SLIT1: variants seen among roughly 807,000 people sequenced by gnomAD.
SLIT1 encodes the protein slit homolog 1 protein.
Under a neutral mutation model 186.1 loss-of-function variants are expected in SLIT1, and 66 were observed. That is an observed-to-expected ratio of 0.35 (90% CI 0.29 to 0.44). The LOEUF (loss-of-function observed/expected upper bound fraction) is 0.44. Ranked by LOEUF, SLIT1 falls within the 20% of genes least tolerant of loss-of-function variation. The pLI is 1.00. For missense variants in SLIT1, 1,638 were observed against 2,037.4 expected (o/e 0.80, Z 3.77); for synonymous variants, 761 against 833.8 (o/e 0.91, Z 1.50).
rs367780536 is a variant in SLIT1 at position 97,043,324 on chromosome 10, G to A, written c.1997+46C>T. ...AGTGGCTGGCCGAGACGGTTGGGAC[G>A]GTTGCTCCAGAGCCCCCGCCCGCCT... On this transcript the variant is annotated intron_variant, in intron 19 of 36. Coordinates refer to ENST00000266058, the MANE Select transcript of SLIT1 (RefSeq NM_003061.3). The surrounding 1 kb of genome is among the most constrained non-coding windows in gnomAD (Gnocchi z 7.0). 5.3e-5 allele frequency: 86 copies of A among 1,610,120 alleles called. No homozygotes were observed. The highest frequency in any genetic ancestry group is 7.0e-5 in the Non-Finnish European group (83 of 1,178,246).
In SLIT1 at chr10:97,046,636, C is replaced by A; in HGVS notation, c.1853+18G>T. On this transcript the variant is annotated intron_variant, in intron 18 of 36. Coordinates refer to ENST00000266058, the MANE Select transcript of SLIT1 (RefSeq NM_003061.3). The stretch of plus-strand genomic sequence containing the variant: ...TCCTGCAGCTGGCCCACCCTGCTCC[C>A]CAGCCCTGCACACTCACAGGGTCCT... 1 of 1,594,846 alleles carries A rather than the reference C, an allele frequency of 6.3e-7. No individual in the cohort carries two copies. The highest frequency in any genetic ancestry group is 1.1e-5 in the South Asian group (1 of 89,804).
At chr10:97,053,495 G>A (rs17112373) in intron 13 of SLIT1, among the ~76,000 whole-genome samples, 16,025 of 152,136 alleles carry the variant, frequency 0.11, 921 homozygotes, top group African/African-American at 0.16. Flanking sequence ...CAGGGGTCAC[G>A]AGCTGTACCT....
chr10:97,018,949 G>C, intron 27 of SLIT1, 34 bp downstream of exon 27: 1 of 1,360,304 alleles, frequency 7.4e-7, no homozygotes. Context: ...TACACGAAGA[G>C]CCCTCCTCCT....
chr10:97,013,491 A>G (rs1174997158), intron 30 of SLIT1, among the ~76,000 whole-genome samples: 1 of 152,180 alleles, frequency 6.6e-6, no homozygotes, highest in Non-Finnish European at 1.5e-5. Flanking sequence ...TACAGATGAG[A>G]AAACAAGCTC....
chr10:97,176,420 C>T (rs1280923167), intron 1 of SLIT1, among the ~76,000 whole-genome samples: 1 of 152,096 alleles, frequency 6.6e-6, no homozygotes, highest in Non-Finnish European at 1.5e-5. Flanking sequence ...TCCCCAAGAC[C>T]CCTGGCTCCC....
At chr10:97,056,602 C>G (rs1848838813) in intron 12 of SLIT1, 138 bp from the exon 13 acceptor site, 3 of 875,822 alleles carry the variant, frequency 3.4e-6, no homozygotes, top group Non-Finnish European at 5.3e-6. Context: ...GGAATCTGCC[C>G]TCTGGATGTC....
At chr10:97,141,701 C>CGTATT (rs1032391612) in intron 4 of SLIT1, among the ~76,000 whole-genome samples, 10 of 96,404 alleles carry the variant, frequency 1.0e-4, no homozygotes, top group South Asian at 3.0e-4. Context: ...CGTATCGTAT[C>CGTATT]GTATTGTATT....
intron 4 of SLIT1, among the ~76,000 whole-genome samples, chr10:97,133,684 T>A (rs948091052): frequency 7.9e-5 from 12 of 152,244 alleles, no homozygotes; most frequent in African/African-American, 2.9e-4. Context: ...TAAATTTTTT[T>A]AATAAAATAA....
chr10:97,117,110 G>A (rs1280441709), intron 4 of SLIT1, among the ~76,000 whole-genome samples: 3 of 152,048 alleles, frequency 2.0e-5, no homozygotes, highest in Non-Finnish European at 2.9e-5. Flanking sequence ...AGGAGAAAAT[G>A]AAATCAGAAA....
At chr10:97,147,468 A>G (rs80350117) in intron 4 of SLIT1, among the ~76,000 whole-genome samples, 6,974 of 152,304 alleles carry the variant, frequency 0.046, 242 homozygotes, top group East Asian at 0.12. Context: ...TACAAAGGAA[A>G]AAAAAGAGGG....
chr10:97,056,064 T>A (rs1284689503), intron 13 of SLIT1, among the ~76,000 whole-genome samples: 1 of 152,202 alleles, frequency 6.6e-6, no homozygotes. Context: ...AACAACCCTA[T>A]GGGAAGGCAT....
Position 97,173,897 on chromosome 10 carries a change from G to C in SLIT1, c.198-9007C>G, listed in dbSNP as rs185860372. 3.2e-3 allele frequency among the ~76,000 whole-genome samples: 488 copies of C among 152,284 alleles called. 1 individual carries two copies. The highest frequency in any genetic ancestry group is 3.4e-3 in the Non-Finnish European group (231 of 68,010). On this transcript the variant is annotated intron_variant, in intron 1 of 36. Transcript: ENST00000266058. ...CTCTGGCCAGCCTGCCTTGGCCCAG[G>C]GGGTAGAAGAATAATTATTCCTCAG...
At chr10:97,037,458 C>T (rs1053447223) in intron 22 of SLIT1, among the ~76,000 whole-genome samples, 7 of 151,894 alleles carry the variant, frequency 4.6e-5, no homozygotes, top group African/African-American at 9.7e-5. Flanking sequence ...TTTGGGGAGA[C>T]GGCGTGGGCA....
Position 97,031,671 on chromosome 10 carries a change from G to A in SLIT1, c.2445C>T (p.Leu815=). ...TNMSQLTTLI[L]SYNALQCIPP... is the part of the protein sequence containing the mutation. ...GGATGCACTGCAGGGCATTGTAGCTGAGGATCCTGCGGAGGAAGGAGATGG... is the reference window on the plus strand; with the variant it reads ...GGATGCACTGCAGGGCATTGTAGCTAAGGATCCTGCGGAGGAAGGAGATGG... Residue 815 remains leucine, a synonymous_variant, in exon 24 of 37, where the codon CTC becomes CTT. Transcript: ENST00000266058. The A allele has an allele frequency of 6.4e-7, 1 of 1,551,126 alleles. No homozygotes were observed. Among genetic ancestry groups the A allele is most frequent in the East Asian group, 2.4e-5 (1 of 40,958 alleles).
At position 97,006,542 on chromosome 10, in the gene SLIT1, C is replaced by T; in HGVS notation, c.3520G>A (p.Asp1174Asn). Residue 1174 changes from aspartate (D) to asparagine (N), a missense_variant, in exon 32 of 37, where the codon GAC becomes AAC. Physicochemically the swap from Asp to Asn is conservative, Grantham distance 23 (BLOSUM62 1). This residue lies in a region of SLIT1 where 173 missense variants were observed against 290.9 expected (regional missense o/e 0.59). Transcript: ENST00000266058. This position sits in a 1 kb window ranked among gnomAD's most constrained non-coding sequence, Gnocchi z 4.0. The stretch of plus-strand genomic sequence containing the variant: ...AGGTCAGTGAACTGCAGGTAAGTGT[C>T]CCGATCCACAAAGTTGACACTGAGC... ...KLLSVNFVDR[D>N]TYLQFTDLQN... The T allele has an allele frequency of 6.2e-7, 1 of 1,614,206 alleles. No individual in the cohort carries two copies.
chr10:97,108,178 C>G (rs1425005553), intron 4 of SLIT1, among the ~76,000 whole-genome samples: 4 of 152,156 alleles, frequency 2.6e-5, no homozygotes. Flanking sequence ...GCATCAGCAC[C>G]CTGTGGGCAC....
At chr10:97,034,095 C>T (rs1349219262) in intron 23 of SLIT1, among the ~76,000 whole-genome samples, 1 of 152,126 alleles carries the variant, frequency 6.6e-6, no homozygotes, top group Non-Finnish European at 1.5e-5. Context: ...GAATTCCTGA[C>T]CTCAAGTGAT....
intron 25 of SLIT1, among the ~76,000 whole-genome samples, chr10:97,023,054 CTT>C (rs777753810): frequency 4.1e-5 from 6 of 144,696 alleles, no homozygotes; most frequent in African/African-American, 1.0e-4. Flanking sequence ...ATACGTGCCT[CTT>C]TTTTTTTTTT....
At position 97,057,169 on chromosome 10, in the gene SLIT1, T is replaced by A. The variant is rs773150775; in HGVS notation, c.1157+41A>T. ...TAGCAGGCCAGAGGAAAGCTGGCCC[T>A]TCCCTGGGTCCCACCCAAGACACCC... On this transcript the variant is annotated intron_variant, in intron 12 of 36. Transcript: ENST00000266058. 5 of 1,552,748 alleles carry A rather than the reference T, an allele frequency of 3.2e-6. No individual in the cohort carries two copies. In the South Asian group the frequency reaches 4.5e-5, roughly 14 times the overall value.
Sources: gnomAD v4.1 joint callset for allele counts (sites outside exome capture counted in the v4.1 genomes callset) on GRCh38, gnomAD v4.1.1 for gene constraint, gnomAD v4.1.1 regional missense constraint, Gnocchi (gnomAD v3.1) non-coding constraint, MANE v1.5 for transcripts, NCBI Gene and HGNC (gene_info 2026-07-23, HGNC 2026-07-21) for gene names.